Variants in TOGARAM2 observed in about 807,000 individuals in gnomAD.
TOGARAM2 encodes the protein TOG array regulator of axonemal microtubules protein 2.
TOGARAM2 carries 85 observed loss-of-function variants against 93.3 expected under a neutral mutation model. The observed-to-expected ratio is 0.91, with a 90% confidence interval of 0.76 to 1.09. The LOEUF (loss-of-function observed/expected upper bound fraction) is 1.09. Ranked by LOEUF, TOGARAM2 falls within the 50% of genes least tolerant of loss-of-function variation. The pLI is 0.00. For missense variants in TOGARAM2, 1,277 were observed against 1,334.5 expected, an observed-to-expected ratio of 0.96 and a Z score of 0.67; for synonymous variants, 593 against 552.8, an observed-to-expected ratio of 1.07 and a Z score of -1.02.
intron 7 of TOGARAM2, among the ~76,000 whole-genome samples, chr2:29,014,164 T>G (rs1357943941): frequency 1.3e-5 from 2 of 152,178 alleles, no homozygotes; most frequent in African/African-American, 4.8e-5. Flanking sequence ...CACACCTATC[T>G]TGGAATAAAG....
At chr2:29,014,081 A>G (rs1456065612) in intron 7 of TOGARAM2, among the ~76,000 whole-genome samples, 1 of 152,050 alleles carries the variant, frequency 6.6e-6, no homozygotes, top group Non-Finnish European at 1.5e-5. Context: ...ACACTTACTT[A>G]TATTCTCAGG....
chr2:28,997,092 A>T (rs1673028563), intron 2 of TOGARAM2, among the ~76,000 whole-genome samples: 1 of 152,226 alleles, frequency 6.6e-6, no homozygotes. Flanking sequence ...CACAGGCAAC[A>T]AAAGCAAAAA....
rs571162626 is a variant in TOGARAM2 at position 28,970,714 on chromosome 2, C to A, written c.-147+14017C>A. Among the ~76,000 whole-genome samples, 3 of 152,350 alleles carry A rather than the reference C, an allele frequency of 2.0e-5. No individual in the cohort carries two copies. The East Asian group carries it at 5.8e-4, about 29-fold the overall frequency. On this transcript the variant is annotated intron_variant, in intron 1 of 6. Transcript: ENST00000401723. Reference sequence around the variant, plus strand: ...AGCAACGCACCCACCTGCGCCCACTCTATTGGCTGACCTGAGCTTGCTGTC... The same window carrying A: ...AGCAACGCACCCACCTGCGCCCACTATATTGGCTGACCTGAGCTTGCTGTC...
chr2:28,999,682 C>T (rs1673185664), intron 4 of TOGARAM2, among the ~76,000 whole-genome samples: 1 of 152,242 alleles, frequency 6.6e-6, no homozygotes, highest in African/African-American at 2.4e-5. Flanking sequence ...CCCGACTGGC[C>T]TCTTCATTCC....
intron 6 of TOGARAM2, among the ~76,000 whole-genome samples, chr2:29,009,208 C>T (rs1262726790): frequency 6.6e-6 from 1 of 152,094 alleles, no homozygotes. Context: ...GGCACACTTG[C>T]GAGATGGAGA....
intron 1 of TOGARAM2, among the ~76,000 whole-genome samples, chr2:28,974,127 CTTT>C (rs34500191): frequency 7.9e-6 from 1 of 127,218 alleles, no homozygotes; most frequent in Non-Finnish European, 1.6e-5. Context: ...ATAATATATC[CTTT>C]TTTTTTTTTT....
intron 10 of TOGARAM2, among the ~76,000 whole-genome samples, chr2:29,019,543 G>T (rs1299597388): frequency 1.3e-5 from 2 of 152,140 alleles, no homozygotes; most frequent in Non-Finnish European, 2.9e-5. Context: ...CAAGGTCATG[G>T]TGCCCCATAG....
intron 1 of TOGARAM2, among the ~76,000 whole-genome samples, chr2:28,987,649 T>C (rs1672529373): frequency 6.6e-6 from 1 of 152,238 alleles, no homozygotes; most frequent in African/African-American, 2.4e-5. Flanking sequence ...ATTATTGCCA[T>C]GAACCTGGCA....
At chr2:28,978,641 C>A (rs1217812169), upstream of TOGARAM2, among the ~76,000 whole-genome samples, 2 of 152,136 alleles carry the variant, frequency 1.3e-5, no homozygotes, top group Non-Finnish European at 2.9e-5. Context: ...TGGGGGCTAT[C>A]CCCTGTGGAT....
intron 7 of TOGARAM2, among the ~76,000 whole-genome samples, chr2:29,013,067 T>A (rs746262971): frequency 1.6e-4 from 24 of 152,236 alleles, no homozygotes; most frequent in Non-Finnish European, 3.1e-4. Flanking sequence ...CAGCCTCAGC[T>A]GGTGGCCCCA....
At chr2:28,983,194 ATATATTTTTTT>A (rs1672295613) in intron 1 of TOGARAM2, among the ~76,000 whole-genome samples, 2 of 48,518 alleles carry the variant, frequency 4.1e-5, no homozygotes, top group Admixed American at 5.5e-4. Flanking sequence ...ATATATATAT[ATATATTTTTTT>A]TTTTTTTTTT....
chr2:28,976,159 AG>A (rs1442011279), intron 1 of TOGARAM2, among the ~76,000 whole-genome samples: 1 of 152,198 alleles, frequency 6.6e-6, no homozygotes, highest in African/African-American at 2.4e-5. Flanking sequence ...TCACGAGGTC[AG>A]GAGATCGAGA....
rs896751538 is a variant in TOGARAM2 at position 29,033,570 on chromosome 2, C to T, written c.2225+7C>T. ...GGCTGCCCATCAAGGAGGGGTATGG[C>T]TGCTCCTGTATCTCTGGGCTTCACA... On this transcript the variant is annotated splice_region_variant and intron_variant, in intron 16 of 19. Transcript: ENST00000379558. 1.2e-6 allele frequency: 2 copies of T among 1,611,118 alleles called. No individual in the cohort carries two copies. Among genetic ancestry groups the T allele is most frequent in the Non-Finnish European group, 1.7e-6 (2 of 1,178,670 alleles).
Position 28,975,052 on chromosome 2 carries a change from T to C in TOGARAM2, c.-147+18355T>C, listed in dbSNP as rs139267400. The stretch of plus-strand genomic sequence containing the variant: ...ATAGTCATATTAATGCTGTTATTTA[T>C]ATTGTATTTTTCTTTCTTAAATTTT... On this transcript the variant is annotated intron_variant, in intron 1 of 6. Transcript: ENST00000401723. Among the ~76,000 whole-genome samples the C allele has an allele frequency of 1.2e-3, 185 of 152,250 alleles. 3 individuals are homozygous for C. Among genetic ancestry groups the C allele is most frequent in the African/African-American group, 4.3e-3 (179 of 41,568 alleles).
At chr2:28,972,652 G>A (rs1671964983) in intron 1 of TOGARAM2, 1 of 152,232 alleles carries the variant, frequency 6.6e-6, no homozygotes, top group African/African-American at 2.4e-5. Context: ...CTGGGCTGGA[G>A]ATTCCCACTG....
chr2:28,999,145 T>G, intron 3 of TOGARAM2, 36 bp from the exon 4 acceptor site: 1 of 1,567,408 alleles, frequency 6.4e-7, no homozygotes. Context: ...CCCTGGGTAC[T>G]GCGTGCCAAG....
At chr2:29,017,050 C>A (rs1664618941) in intron 8 of TOGARAM2, 104 bp from the exon 9 acceptor site, 1 of 1,458,104 alleles carries the variant, frequency 6.9e-7, no homozygotes, top group Non-Finnish European at 9.4e-7. Context: ...TTTTTGTTCA[C>A]TTCCAGGACA....
intron 18 of TOGARAM2, among the ~76,000 whole-genome samples, chr2:29,039,493 C>T (rs763746839): frequency 4.6e-5 from 7 of 152,142 alleles, no homozygotes; most frequent in Non-Finnish European, 1.0e-4. Flanking sequence ...GGGGGACCTT[C>T]TAGAACTCAC....
At position 28,991,541 on chromosome 2, in the gene TOGARAM2, G is replaced by A. The variant is rs140989885; in HGVS notation, c.-110-3184G>A. On this transcript the variant is annotated intron_variant, in intron 1 of 19. Transcript: ENST00000379558. ...GGAGATGAGAACTCTGGCTGGAGAC[G>A]TCTCAGAGGTCTCTGAAAGTCGGAG... Among the ~76,000 whole-genome samples the A allele has an allele frequency of 5.7e-3, 874 of 152,280 alleles. 13 individuals carry two copies. Among genetic ancestry groups the A allele is most frequent in the African/African-American group, 0.02 (827 of 41,548 alleles).
Sources: gnomAD v4.1 joint callset for allele counts (sites outside exome capture counted in the v4.1 genomes callset) on GRCh38, gnomAD v4.1.1 for gene constraint, MANE v1.5 for transcripts, NCBI Gene and HGNC (gene_info 2026-07-23, HGNC 2026-07-21) for gene names.